The following BTBD10 variants were observed in gnomAD, a reference collection of about 807,000 sequenced individuals.
BTBD10 encodes BTB/POZ domain-containing protein 10.
In BTBD10, 21 loss-of-function variants were observed where a neutral mutation model predicts 53.2. The observed-to-expected ratio is 0.39, with a 90% CI of 0.28 to 0.57. The LOEUF is 0.57. Among genes scored for constraint, BTBD10 ranks in the 20% least tolerant of loss-of-function variants. The pLI, the probability that BTBD10 is intolerant of heterozygous loss-of-function variation, is 0.53. For missense variants in BTBD10, 360 were observed against 594.7 expected (o/e 0.61, Z 4.10); for synonymous variants, 149 against 192.7 (o/e 0.77, Z 1.88).
At chr11:13,452,590 TA>T (rs1324965299) in intron 1 of BTBD10, among the ~76,000 whole-genome samples, 2 of 152,146 alleles carry the variant, frequency 1.3e-5, no homozygotes, top group African/African-American at 4.8e-5. Flanking sequence ...CAAGCATACT[TA>T]ATAGCCATCC....
In BTBD10 at chr11:13,421,879, A is replaced by T. The variant is rs377180412; in HGVS notation, c.102-41T>A. On this transcript the variant is annotated intron_variant, in intron 2 of 8. Coordinates refer to ENST00000278174, the MANE Select transcript of BTBD10 (RefSeq NM_032320.7). ...GGAAAATTAACCATAAAAGCAGAAC[A>T]TAAGATTGGAAACATTTTAAAAGAA... The T allele has an allele frequency of 1.4e-5, 20 of 1,478,584 alleles. No individual in the cohort carries two copies. The African/African-American group carries it at 2.7e-4, about 20-fold the overall frequency. 91.6% of individuals were successfully genotyped at this position (1,478,584 alleles called of 1,614,324 possible). A position where few individuals can be genotyped will look rare whatever the true frequency, so the allele number is the denominator to read the frequency against.
intron 1 of BTBD10, among the ~76,000 whole-genome samples, chr11:13,447,859 T>C (rs760512786): frequency 2.0e-4 from 31 of 152,160 alleles, no homozygotes; most frequent in Non-Finnish European, 3.5e-4. Context: ...CAAATTGAGA[T>C]GTTTGGAAAA....
chr11:13,433,118 T>C (rs966403529), intron 2 of BTBD10, among the ~76,000 whole-genome samples: 4 of 152,234 alleles, frequency 2.6e-5, no homozygotes, highest in East Asian at 3.8e-4. Flanking sequence ...TGTTATAATG[T>C]TGGGGGCACT....
Position 13,419,544 on chromosome 11 carries a change from T to G in BTBD10, c.500A>C (p.Glu167Ala), listed in dbSNP as rs1425755240. 6.2e-7 allele frequency: 1 copy of G among 1,614,158 alleles called. No homozygotes were observed. Among genetic ancestry groups the G allele is most frequent in the South Asian group, 1.1e-5 (1 of 91,082 alleles). ...KEGARNIRTS[E>A]RVTLIVDNTR... ...GTTATCCACTATTAGTGTCACTCGT[T>G]CTGACGTTCTTATATTCCGAGCTCC... Residue 167 changes from glutamate to alanine, a missense_variant, in exon 4 of 9, where the codon GAA (glutamate) becomes GCA (alanine). Physicochemically the swap from Glu to Ala is moderately radical, Grantham distance 107. This residue lies in a region of BTBD10 where 109 missense variants were observed against 118.6 expected (regional missense o/e 0.92). Transcript: ENST00000278174.
chr11:13,430,769 G>C (rs1474527459), intron 2 of BTBD10, among the ~76,000 whole-genome samples: 1 of 152,032 alleles, frequency 6.6e-6, no homozygotes, highest in Non-Finnish European at 1.5e-5. Context: ...AAAGAAGCCA[G>C]ATCTCTCTCC....
chr11:13,435,337 GAAC>G, intron 2 of BTBD10, among the ~76,000 whole-genome samples: 1 of 151,928 alleles, frequency 6.6e-6, no homozygotes, highest in South Asian at 2.1e-4. Context: ...TAATGATTGA[GAAC>G]AATATTATAA....
At chr11:13,406,628 T>C (rs1346903351) in intron 6 of BTBD10, among the ~76,000 whole-genome samples, 1 of 151,472 alleles carries the variant, frequency 6.6e-6, no homozygotes, top group African/African-American at 2.4e-5. Context: ...TGTGTGTGTG[T>C]GTGTGTGTGT....
chr11:13,417,727 C>T (rs1288570168), intron 4 of BTBD10, among the ~76,000 whole-genome samples: 1 of 152,168 alleles, frequency 6.6e-6, no homozygotes, highest in African/African-American at 2.4e-5. Context: ...CAGGACAAGT[C>T]AGGTTGTTTT....
intron 6 of BTBD10, among the ~76,000 whole-genome samples, chr11:13,406,901 T>A (rs1206951827): frequency 6.6e-6 from 1 of 152,136 alleles, no homozygotes; most frequent in East Asian, 1.9e-4. Context: ...TAAAAAGTTA[T>A]CTTTATAGAC....
At chr11:13,444,988 G>A (rs777824028) in intron 2 of BTBD10, 36 bp downstream of exon 2, 3 of 1,519,698 alleles carry the variant, frequency 2.0e-6, no homozygotes, top group South Asian at 1.1e-5. Context: ...GTTTTTAGCA[G>A]AGCTTTCATA....
chr11:13,399,542 C>T (rs984903454), intron 8 of BTBD10, among the ~76,000 whole-genome samples: 1 of 152,204 alleles, frequency 6.6e-6, no homozygotes, highest in Non-Finnish European at 1.5e-5. Flanking sequence ...CTTCCTCTCT[C>T]AACTCGTCAA....
intron 6 of BTBD10, among the ~76,000 whole-genome samples, chr11:13,412,712 C>G (rs1435595475): frequency 6.6e-6 from 1 of 152,160 alleles, no homozygotes; most frequent in South Asian, 2.1e-4. Context: ...TCATTTAGTT[C>G]ATTCTTTACT....
chr11:13,429,266 G>A (rs529318436), intron 2 of BTBD10, among the ~76,000 whole-genome samples: 1 of 152,124 alleles, frequency 6.6e-6, no homozygotes, highest in South Asian at 2.1e-4. Context: ...AAACCAAGTA[G>A]GCTTGCTTGT....
chr11:13,447,802 A>AG (rs2134039460), intron 1 of BTBD10, among the ~76,000 whole-genome samples: 1 of 152,242 alleles, frequency 6.6e-6, no homozygotes, highest in South Asian at 2.1e-4. Context: ...CAGCCCTCAC[A>AG]TCCAGTAGTC....
chr11:13,460,647 C>T (rs1951075383), intron 1 of BTBD10, among the ~76,000 whole-genome samples: 1 of 152,140 alleles, frequency 6.6e-6, no homozygotes, highest in Non-Finnish European at 1.5e-5. Context: ...GGAAGGGGCA[C>T]AAGAGTGTTT....
At chr11:13,392,112 G>A (rs772367824) in intron 8 of BTBD10, among the ~76,000 whole-genome samples, 44 of 152,166 alleles carry the variant, frequency 2.9e-4, no homozygotes, top group Non-Finnish European at 5.6e-4. Context: ...ATGGTCTATT[G>A]AGAGTCATTA....
chr11:13,420,065 A>T (rs1950212221), intron 3 of BTBD10, among the ~76,000 whole-genome samples: 1 of 152,166 alleles, frequency 6.6e-6, no homozygotes, highest in Non-Finnish European at 1.5e-5. Context: ...ATAGAAACCC[A>T]AGGAACCGAA....
intron 4 of BTBD10, among the ~76,000 whole-genome samples, chr11:13,419,041 T>C (rs986103961): frequency 6.9e-5 from 10 of 145,142 alleles, no homozygotes; most frequent in African/African-American, 1.3e-4. Context: ...ACAGCTAAAC[T>C]ACCTATTGGG....
Position 13,416,033 on chromosome 11 carries a change from TTAAAACC to T in BTBD10, c.687+1118_687+1124del, listed in dbSNP as rs1288814438. Among the ~76,000 whole-genome samples, 3 of 150,032 alleles carry T rather than the reference TTAAAACC, an allele frequency of 2.0e-5. No homozygotes were observed. In the East Asian group the frequency reaches 5.8e-4, roughly 29 times the overall value. ...AAATATTTTTCAAAAAAAAAAACAG[TTAAAACC>T]TCAAAAAAAAGTTTTAAAACAAAGA... On this transcript the variant is annotated intron_variant, in intron 5 of 8. Transcript: ENST00000278174.
Sources: allele counts gnomAD v4.1 joint callset (sites outside exome capture counted in the v4.1 genomes callset), GRCh38; gene constraint gnomAD v4.1.1; regional missense constraint gnomAD v4.1.1; transcripts MANE v1.5; gene names NCBI Gene and HGNC (gene_info 2026-07-23, HGNC 2026-07-21).